TACC2: variants seen among roughly 807,000 people sequenced by gnomAD.
TACC2 encodes the protein transforming acidic coiled-coil containing protein 2.
TACC2 carries 137 observed loss-of-function variants against 227.3 expected under a neutral mutation model. That is an observed-to-expected ratio of 0.60 (90% CI 0.52 to 0.69). The LOEUF (loss-of-function observed/expected upper bound fraction) is 0.69. TACC2 is among the 30% of genes least tolerant of loss of function. The pLI is 0.00. For missense variants in TACC2, 3,470 were observed against 3,694.4 expected (o/e 0.94, Z 1.57); for synonymous variants, 1,523 against 1,487.5 (o/e 1.02, Z -0.55).
intron 6 of TACC2, among the ~76,000 whole-genome samples, chr10:122,134,317 G>A (rs1170703155): frequency 3.9e-5 from 6 of 151,946 alleles, no homozygotes; most frequent in African/African-American, 9.7e-5. Context: ...AATTACAGGC[G>A]TGCGCCACCA....
Position 121,990,315 on chromosome 10 carries a change from G to A in TACC2, c.-46+827G>A, listed in dbSNP as rs574924363. The stretch of plus-strand genomic sequence containing the variant: ...TATTTTTTATAGAGATGGGGGTCTC[G>A]CCGTGTTGGCCAGGCTGGTCTCAAA... On this transcript the variant is annotated intron_variant, in intron 1 of 22. Coordinates refer to ENST00000369005, the MANE Select transcript of TACC2 (RefSeq NM_206862.4). Among the ~76,000 whole-genome samples, 66 of 151,840 alleles carry A rather than the reference G, an allele frequency of 4.3e-4. No homozygotes were observed. The South Asian group carries it at 0.013, about 30-fold the overall frequency.
intron 8 of TACC2, among the ~76,000 whole-genome samples, chr10:122,206,980 C>T (rs935063691): frequency 3.3e-5 from 5 of 152,086 alleles, no homozygotes; most frequent in Non-Finnish European, 7.4e-5. Context: ...GCAGATATGC[C>T]GTGTGGATGT....
intron 2 of TACC2, among the ~76,000 whole-genome samples, chr10:122,042,737 G>A (rs893876210): frequency 2.6e-5 from 4 of 152,096 alleles, no homozygotes; most frequent in African/African-American, 9.7e-5. Flanking sequence ...TACGGTACTC[G>A]AGGTGTAGAA....
intron 2 of TACC2, among the ~76,000 whole-genome samples, chr10:122,048,007 G>A (rs996036929): frequency 2.9e-4 from 44 of 152,162 alleles, no homozygotes; most frequent in African/African-American, 1.0e-3. Flanking sequence ...GCACCAGGTA[G>A]GGGAACCTTA....
intron 3 of TACC2, among the ~76,000 whole-genome samples, chr10:122,077,083 C>T (rs962182842): frequency 2.0e-5 from 3 of 148,474 alleles, no homozygotes; most frequent in Non-Finnish European, 3.0e-5. Context: ...CCACTGCACT[C>T]CAGCCTGGGT....
Position 122,141,017 on chromosome 10 carries a change from C to T in TACC2, c.5700-2555C>T, listed in dbSNP as rs914901952. Among the ~76,000 whole-genome samples the T allele has an allele frequency of 6.6e-6, 1 of 152,080 alleles. No homozygotes were observed. Among genetic ancestry groups the T allele is most frequent in the Non-Finnish European group, 1.5e-5 (1 of 68,024 alleles). On this transcript the variant is annotated intron_variant, in intron 6 of 22. Coordinates refer to ENST00000369005, the MANE Select transcript of TACC2 (RefSeq NM_206862.4). The surrounding 1 kb of genome is among the most constrained non-coding windows in gnomAD (Gnocchi z 4.3). ...ACGGAAAGCAGGCACAGCAGGATAGCCCAGGAGTCCTGCTCAGAGAGGGCA... is the reference window on the plus strand; with the variant it reads ...ACGGAAAGCAGGCACAGCAGGATAGTCCAGGAGTCCTGCTCAGAGAGGGCA...
rs2095657015 is a variant in TACC2, at chr10:122,227,755, T to C, written c.7725-82T>C. ...GGAAGTCCAGGATTCCTTGTGATAT[T>C]GACTTGGTCAGGGCATCCTGGTTGA... On this transcript the variant is annotated intron_variant, in intron 13 of 22. Coordinates refer to ENST00000369005, the MANE Select transcript of TACC2 (RefSeq NM_206862.4). The C allele has an allele frequency of 2.8e-6, 4 of 1,447,784 alleles. No homozygotes were observed. In the African/African-American group the frequency reaches 5.7e-5, roughly 21 times the overall value. The allele number at this position is 1,447,784 out of a possible 1,614,324, so 89.7% of individuals were successfully genotyped here. A position where few individuals can be genotyped will look rare whatever the true frequency, so the allele number is the denominator to read the frequency against.
At chr10:122,166,792 A>G (rs1202945689) in intron 7 of TACC2, among the ~76,000 whole-genome samples, 1 of 152,214 alleles carries the variant, frequency 6.6e-6, no homozygotes, top group Non-Finnish European at 1.5e-5. Flanking sequence ...TATCTGGCAA[A>G]GAAGTTCTTG....
In TACC2 at chr10:122,210,939, G is replaced by A. The variant is rs1463797112; in HGVS notation, c.6514G>A (p.Glu2172Lys). ...CCCCAGTGGGGAGAATCTAGCATCT[G>A]AGACGAAAACGGAATCTGCCAAGAC... ...LVPSGENLAS[E>K]TKTESAKTEG... The change falls in exon 9 of 23, where the codon GAG (glutamate) becomes AAG (lysine). Residue 2172 changes from glutamate to lysine, a missense_variant. Transcript: ENST00000369005. The surrounding 1 kb of genome is among the most constrained non-coding windows in gnomAD (Gnocchi z 4.6). 2 of 1,614,022 alleles carry A rather than the reference G, an allele frequency of 1.2e-6. No individual in the cohort carries two copies. The highest frequency in any genetic ancestry group is 1.7e-6 in the Non-Finnish European group (2 of 1,180,008).
intron 21 of TACC2, 59 bp downstream of exon 21, chr10:122,249,215 G>A: frequency 1.5e-6 from 2 of 1,330,946 alleles, no homozygotes; most frequent in South Asian, 1.2e-5. Context: ...TTTTACCCAG[G>A]CAGGCTGGGA....
intron 5 of TACC2, among the ~76,000 whole-genome samples, chr10:122,122,319 T>C (rs1221172463): frequency 1.3e-5 from 2 of 152,098 alleles, no homozygotes; most frequent in South Asian, 2.1e-4. Context: ...CGTGCCACTG[T>C]ACTCCAGCCG....
intron 9 of TACC2, among the ~76,000 whole-genome samples, chr10:122,212,463 C>T (rs1445225945): frequency 1.3e-5 from 2 of 152,210 alleles, no homozygotes; most frequent in African/African-American, 4.8e-5. Flanking sequence ...CCAGAATCCA[C>T]CCCAGGACCC....
rs915433777 is a variant in TACC2, at chr10:122,249,610, C to T, written c.8727C>T (p.Ser2909=). Residue 2909 remains serine, a synonymous_variant, in exon 22 of 23, where the codon AGC becomes AGT. Transcript: ENST00000369005. The stretch of plus-strand genomic sequence containing the variant: ...AGGAGCAAGCCGCCCACCAGGCCAG[C>T]CTGCGGAAGGAGCAGCTGCGAGTGG... ...AQQEQAAHQA[S]LRKEQLRVDA... The T allele has an allele frequency of 1.9e-6, 3 of 1,613,786 alleles. No individual in the cohort carries two copies. Among genetic ancestry groups the T allele is most frequent in the African/African-American group, 2.7e-5 (2 of 74,888 alleles).
intron 7 of TACC2, among the ~76,000 whole-genome samples, chr10:122,181,036 G>A (rs1018864183): frequency 3.3e-5 from 5 of 152,020 alleles, no homozygotes; most frequent in African/African-American, 9.7e-5. Flanking sequence ...GAGCCACCGC[G>A]CCCGGCCAAG....
At chr10:122,163,999 G>T (rs1233649641) in intron 7 of TACC2, 2 of 1,576,320 alleles carry the variant, frequency 1.3e-6, no homozygotes, top group Non-Finnish European at 1.7e-6. Flanking sequence ...CAATGTAAGT[G>T]CTCCGCCCGG....
chr10:122,090,400 A>G (rs1049445862), intron 5 of TACC2, among the ~76,000 whole-genome samples: 2 of 151,644 alleles, frequency 1.3e-5, no homozygotes, highest in African/African-American at 4.8e-5. Context: ...ACAAAAAATT[A>G]GCTGGGTGTG....
chr10:122,212,238 A>C (rs796399549), intron 9 of TACC2, among the ~76,000 whole-genome samples: 1 of 152,244 alleles, frequency 6.6e-6, no homozygotes, highest in Non-Finnish European at 1.5e-5. Context: ...CTGCACTCCA[A>C]CCAGCCCGTA....
At chr10:122,093,289 C>T (rs1402109144) in intron 5 of TACC2, among the ~76,000 whole-genome samples, 1 of 152,096 alleles carries the variant, frequency 6.6e-6, no homozygotes, top group Non-Finnish European at 1.5e-5. Flanking sequence ...ATTAAGGAAG[C>T]CCTGGCTGGA....
chr10:122,209,903 G>A lies in TACC2; in HGVS notation c.5972-494G>A, dbSNP rs915241710. 5 of 161,396 alleles carry A rather than the reference G, an allele frequency of 3.1e-5. No individual in the cohort carries two copies. Among genetic ancestry groups the A allele is most frequent in the African/African-American group, 7.2e-5 (3 of 41,564 alleles). 10.0% of individuals were successfully genotyped at this position (161,396 alleles called of 1,614,324 possible). A position where few individuals can be genotyped will look rare whatever the true frequency, so the allele number is the denominator to read the frequency against. On this transcript the variant is annotated intron_variant, in intron 8 of 22. Transcript: ENST00000369005. This position sits in a 1 kb window ranked among gnomAD's most constrained non-coding sequence, Gnocchi z 4.5. ...GACTGGGTTTCACCATGATGACCAG[G>A]CTGGTCTCAAACTCCTGACCTCAAG...
Sources: gnomAD v4.1 joint callset for allele counts (sites outside exome capture counted in the v4.1 genomes callset) on GRCh38, gnomAD v4.1.1 for gene constraint, Gnocchi (gnomAD v3.1) non-coding constraint, MANE v1.5 for transcripts, NCBI Gene and HGNC (gene_info 2026-07-23, HGNC 2026-07-21) for gene names.